NEDD4L: variants seen among roughly 807,000 people sequenced by gnomAD.
The protein encoded by NEDD4L is NEDD4 like E3 ubiquitin protein ligase, also known as E3 ubiquitin-protein ligase NEDD4-like.
Under a neutral mutation model 148.9 loss-of-function variants are expected in NEDD4L, and 54 were observed. The observed-to-expected ratio is 0.36, with a 90% CI of 0.29 to 0.45. The LOEUF is 0.45. Among genes scored for constraint, NEDD4L ranks in the 20% least tolerant of loss-of-function variants. The pLI, the probability that NEDD4L is intolerant of heterozygous loss-of-function variation, is 1.00. For missense variants in NEDD4L, 856 were observed against 1,233.8 expected, an observed-to-expected ratio of 0.69 and a Z score of 4.59; for synonymous variants, 433 against 440.7, an observed-to-expected ratio of 0.98 and a Z score of 0.22.
At chr18:58,224,080 C>T (rs1022016436) in intron 2 of NEDD4L, among the ~76,000 whole-genome samples, 2 of 152,120 alleles carry the variant, frequency 1.3e-5, no homozygotes, top group South Asian at 2.1e-4. Context: ...AATAGAGATC[C>T]GGGAGTCCAG....
intron 6 of NEDD4L, 84 bp downstream of exon 6, chr18:58,316,116 T>C: frequency 9.0e-7 from 1 of 1,111,124 alleles, no homozygotes; most frequent in Non-Finnish European, 1.4e-6. Flanking sequence ...CAGAGTGGCA[T>C]TTCTTCACCA....
Position 58,311,958 on chromosome 18 carries a change from C to G in NEDD4L, c.298-4024C>G, listed in dbSNP as rs1376292799. 2.0e-5 allele frequency among the ~76,000 whole-genome samples: 3 copies of G among 152,188 alleles called. No individual in the cohort carries two copies. The East Asian group carries it at 5.8e-4, about 29-fold the overall frequency. On this transcript the variant is annotated intron_variant, in intron 5 of 30. Transcript: ENST00000400345. ...AGCATACCCCTCTGCATGAACAGGG[C>G]GCCCACTTGTCCCCTCCTTCTTACT...
chr18:58,129,302 CAGA>C (rs2031666452), intron 1 of NEDD4L, among the ~76,000 whole-genome samples: 1 of 152,214 alleles, frequency 6.6e-6, no homozygotes, highest in South Asian at 2.1e-4. Context: ...ACGGTGGATT[CAGA>C]AGGAGAAACC....
intron 2 of NEDD4L, among the ~76,000 whole-genome samples, chr18:58,205,853 C>T (rs1017846598): frequency 1.3e-5 from 2 of 151,922 alleles, no homozygotes; most frequent in African/African-American, 4.8e-5. Context: ...GCTAGACTGT[C>T]TGGGTTGTCT....
At chr18:58,373,125 G>A (rs369985548) in intron 23 of NEDD4L, 49 bp from the exon 24 acceptor site, 2 of 974,116 alleles carry the variant, frequency 2.1e-6, no homozygotes, top group African/African-American at 1.6e-5. Flanking sequence ...AAATGAGTTT[G>A]TATTTTGGGG....
chr18:58,099,921 C>T (rs1346560929), intron 1 of NEDD4L, among the ~76,000 whole-genome samples: 1 of 152,140 alleles, frequency 6.6e-6, no homozygotes, highest in African/African-American at 2.4e-5. Context: ...TTATATTCTG[C>T]TTGCTTTACA....
At chr18:58,142,048 T>C (rs1203323974) in intron 1 of NEDD4L, among the ~76,000 whole-genome samples, 4 of 126,264 alleles carry the variant, frequency 3.2e-5, no homozygotes, top group African/African-American at 1.2e-4. Flanking sequence ...TTCTTTTTTT[T>C]TTTTTTTTTT....
chr18:58,189,886 A>C (rs1221263954), intron 2 of NEDD4L: 1 of 152,080 alleles, frequency 6.6e-6, no homozygotes, highest in Non-Finnish European at 1.5e-5. Flanking sequence ...CTTCTATTTC[A>C]TATCTTTATT....
intron 30 of NEDD4L, among the ~76,000 whole-genome samples, chr18:58,394,041 A>G (rs1486036175): frequency 4.6e-5 from 7 of 152,234 alleles, no homozygotes; most frequent in Admixed American, 1.3e-4. Flanking sequence ...CAGCCCATGC[A>G]TCTTCCACGT....
At chr18:58,153,878 G>C (rs967049373) in intron 1 of NEDD4L, among the ~76,000 whole-genome samples, 4 of 152,148 alleles carry the variant, frequency 2.6e-5, no homozygotes, top group African/African-American at 9.7e-5. Context: ...TCTATCTCCT[G>C]ACCTTGTGAT....
intron 1 of NEDD4L, among the ~76,000 whole-genome samples, chr18:58,111,786 G>T (rs765826165): frequency 2.4e-4 from 36 of 152,116 alleles, no homozygotes; most frequent in Non-Finnish European, 3.7e-4. Flanking sequence ...GAACCTCTAT[G>T]TAGTACATTC....
At chr18:58,107,850 C>T (rs1310964472) in intron 1 of NEDD4L, among the ~76,000 whole-genome samples, 1 of 152,146 alleles carries the variant, frequency 6.6e-6, no homozygotes, top group African/African-American at 2.4e-5. Context: ...GTAATTGGGA[C>T]TACAGGTACG....
rs576803058 is a variant in NEDD4L, at chr18:58,180,523, C to A, written c.122+14662C>A. On this transcript the variant is annotated intron_variant, in intron 2 of 30. Transcript: ENST00000400345. Reference sequence around the variant, plus strand: ...CCTTTCTGTGCTTGGCCGACTCCAGCGCCCGTTCTTCTGCCCCTCCTTGGC... The same window carrying A: ...CCTTTCTGTGCTTGGCCGACTCCAGAGCCCGTTCTTCTGCCCCTCCTTGGC... Among the ~76,000 whole-genome samples, 17 of 152,298 alleles carry A rather than the reference C, an allele frequency of 1.1e-4. No homozygotes were observed. In the East Asian group the frequency reaches 1.7e-3, roughly 16 times the overall value.
chr18:58,244,483 T>C (rs541753210), intron 2 of NEDD4L, among the ~76,000 whole-genome samples: 1 of 152,350 alleles, frequency 6.6e-6, no homozygotes, highest in African/African-American at 2.4e-5. Flanking sequence ...CTTTGAAATA[T>C]ACATCTTGCT....
Position 58,329,615 on chromosome 18 carries a change from C to T in NEDD4L, c.813+488C>T, listed in dbSNP as rs377366839. On this transcript the variant is annotated intron_variant, in intron 10 of 30. Coordinates refer to ENST00000400345, the MANE Select transcript of NEDD4L (RefSeq NM_001144967.3). Reference sequence around the variant, plus strand: ...CGAGATCCGCCTGCTGCCTCAGCCTCCTAAAGTGCTGGGGTTATAGGTGCA... The same window carrying T: ...CGAGATCCGCCTGCTGCCTCAGCCTTCTAAAGTGCTGGGGTTATAGGTGCA... Among the ~76,000 whole-genome samples, 8 of 151,878 alleles carry T rather than the reference C, an allele frequency of 5.3e-5. No individual in the cohort carries two copies. In the South Asian group the frequency reaches 1.5e-3, roughly 28 times the overall value.
At chr18:58,296,152 G>A (rs1464866655) in intron 5 of NEDD4L, among the ~76,000 whole-genome samples, 1 of 152,154 alleles carries the variant, frequency 6.6e-6, no homozygotes, top group Non-Finnish European at 1.5e-5. Context: ...CCCACAGGTA[G>A]CATTTTTTAT....
At chr18:58,333,989 A>G in intron 12 of NEDD4L, 97 bp downstream of exon 12, 2 of 722,864 alleles carry the variant, frequency 2.8e-6, no homozygotes, top group Non-Finnish European at 4.5e-6. Context: ...GTGTAAATTT[A>G]TTTACAATAT....
chr18:58,045,068 G>C (rs1485382890), intron 1 of NEDD4L: 2 of 407,116 alleles, frequency 4.9e-6, no homozygotes, highest in Non-Finnish European at 8.7e-6. Context: ...TCTCGCCCCT[G>C]CAGCCCGGGA....
chr18:58,088,471 T>C (rs544505086), intron 1 of NEDD4L, among the ~76,000 whole-genome samples: 1 of 152,334 alleles, frequency 6.6e-6, no homozygotes, highest in African/African-American at 2.4e-5. Flanking sequence ...GTCTTATTCT[T>C]ATGTTAAGTT....
Sources: gnomAD v4.1 joint callset for allele counts (sites outside exome capture counted in the v4.1 genomes callset) on GRCh38, gnomAD v4.1.1 for gene constraint, MANE v1.5 for transcripts, NCBI Gene and HGNC (gene_info 2026-07-23, HGNC 2026-07-21) for gene names.